Variants in MYO18B observed in about 807,000 individuals in gnomAD.
MYO18B encodes the protein unconventional myosin-XVIIIb.
MYO18B carries 204 observed loss-of-function variants against 273.0 expected under a neutral mutation model. The ratio of observed to expected loss-of-function variants is 0.75; its 90% confidence interval spans 0.67 to 0.84. The LOEUF (loss-of-function observed/expected upper bound fraction) is 0.84, where lower values mean the gene tolerates loss of function less well. Among genes scored for constraint, MYO18B ranks in the 40% least tolerant of loss-of-function variants. The pLI, the probability that MYO18B is intolerant of heterozygous loss-of-function variation, is 0.00. For synonymous variants in MYO18B, 1,330 were observed against 1,305.7 expected, an observed-to-expected ratio of 1.02 and a Z score of -0.40; for missense variants, 3,212 against 3,287.6, an observed-to-expected ratio of 0.98 and a Z score of 0.56.
intron 39 of MYO18B, among the ~76,000 whole-genome samples, chr22:25,989,271 C>T (rs1276621714): frequency 6.6e-6 from 1 of 152,178 alleles, no homozygotes; most frequent in Admixed American, 6.5e-5. Flanking sequence ...GCGGCGTGAC[C>T]TCAGACAGGT....
At position 25,768,566 on chromosome 22, in the gene MYO18B, G is replaced by C. The variant is rs754352979; in HGVS notation, c.650G>C (p.Arg217Pro). Residue 217 changes from arginine (R) to proline (P), a missense_variant, in exon 4 of 44, where the codon CGG becomes CCG. By Grantham distance (103) the Arg-to-Pro change is moderately radical (BLOSUM62 -2). Coordinates refer to ENST00000335473, the MANE Select transcript of MYO18B (RefSeq NM_032608.7). ...TTGGCCCCGAAAGCTGAGAAGACCC[G>C]GACTGGGGGTCTTGGGGACCCAGGC... is the stretch of plus-strand genomic sequence containing the variant. ...EILAPKAEKT[R>P]TGGLGDPGQG... 1.8e-5 allele frequency: 28 copies of C among 1,535,798 alleles called. No homozygotes were observed. Among genetic ancestry groups the C allele is most frequent in the Non-Finnish European group, 2.2e-5 (25 of 1,146,046 alleles).
At chr22:25,757,338 C>T (rs899574713) in intron 1 of MYO18B, among the ~76,000 whole-genome samples, 5 of 152,094 alleles carry the variant, frequency 3.3e-5, no homozygotes, top group Non-Finnish European at 7.3e-5. Flanking sequence ...CAGTGGCTCA[C>T]GCCTGTTATC....
downstream of MYO18B, among the ~76,000 whole-genome samples, chr22:26,035,897 T>C (rs56333103): frequency 0.21 from 32,585 of 152,138 alleles, 5,066 homozygotes; most frequent in African/African-American, 0.44. Flanking sequence ...AAGGTCAATT[T>C]CCTGAGAAAG....
intron 42 of MYO18B, among the ~76,000 whole-genome samples, chr22:26,005,800 A>G (rs2146924540): frequency 6.6e-6 from 1 of 152,290 alleles, no homozygotes; most frequent in Middle Eastern, 3.4e-3. Flanking sequence ...CTTTACAAAA[A>G]GAAGGGAGTG....
the MYO18B span, among the ~76,000 whole-genome samples, chr22:26,057,413 A>C: frequency 2.0e-5 from 3 of 152,166 alleles, no homozygotes; most frequent in African/African-American, 4.8e-5. Flanking sequence ...AATCCTTATG[A>C]GACTGTCATA....
intron 3 of MYO18B, among the ~76,000 whole-genome samples, chr22:25,764,887 A>G (rs894853149): frequency 3.2e-4 from 49 of 152,228 alleles, no homozygotes; most frequent in African/African-American, 1.1e-3. Flanking sequence ...GACTGAGGCC[A>G]AAAGAGGTCA....
intron 42 of MYO18B, among the ~76,000 whole-genome samples, chr22:26,012,652 G>A (rs1175202089): frequency 6.6e-6 from 1 of 152,182 alleles, no homozygotes; most frequent in Non-Finnish European, 1.5e-5. Context: ...AGGAAGGAAG[G>A]CTGTTTCCTG....
chr22:25,925,829 C>T lies in MYO18B; in HGVS notation c.5517+4420C>T, dbSNP rs567424917. ...CTGAGGCAGGAGAATCACTTGAACC[C>T]GGGAGGTAGAGGTTGTGGTGAACTG... is the stretch of plus-strand genomic sequence containing the variant. On this transcript the variant is annotated intron_variant, in intron 34 of 43. Coordinates refer to ENST00000335473, the MANE Select transcript of MYO18B (RefSeq NM_032608.7). 2.9e-3 allele frequency among the ~76,000 whole-genome samples: 415 copies of T among 141,316 alleles called. 2 individuals carry two copies. Among genetic ancestry groups the T allele is most frequent in the African/African-American group, 0.011 (395 of 37,594 alleles). 92.7% of individuals were successfully genotyped at this position (141,316 alleles called of 152,430 possible). A position where few individuals can be genotyped will look rare whatever the true frequency, so the allele number is the denominator to read the frequency against.
intron 39 of MYO18B, among the ~76,000 whole-genome samples, chr22:25,989,504 C>T (rs947745365): frequency 7.9e-5 from 12 of 151,722 alleles, no homozygotes; most frequent in African/African-American, 2.2e-4. Flanking sequence ...TGGAGCTGGC[C>T]GGGCGTGGTG....
At chr22:26,047,537 G>A in the MYO18B span, among the ~76,000 whole-genome samples, 4 of 152,156 alleles carry the variant, frequency 2.6e-5, no homozygotes, top group African/African-American at 4.8e-5. Flanking sequence ...CAATATAACC[G>A]GTTACCACCA....
At chr22:26,022,245 C>T (rs1033866876) in intron 42 of MYO18B, among the ~76,000 whole-genome samples, 7 of 149,180 alleles carry the variant, frequency 4.7e-5, no homozygotes, top group Non-Finnish European at 1.0e-4. Flanking sequence ...TGAGCCACAC[C>T]GACCTGGTCC....
chr22:25,952,447 G>T (rs754906674), intron 38 of MYO18B, 24 bp downstream of exon 38: 2 of 1,611,808 alleles, frequency 1.2e-6, no homozygotes, highest in South Asian at 1.1e-5. Context: ...CATAAATAGT[G>T]CCTGGGCCAA....
chr22:25,811,044 C>G (rs1601766801), intron 12 of MYO18B, among the ~76,000 whole-genome samples: 1 of 151,498 alleles, frequency 6.6e-6, no homozygotes, highest in Admixed American at 6.6e-5. Flanking sequence ...GACTGAGTCT[C>G]GCTGTGTTGC....
intron 1 of MYO18B, among the ~76,000 whole-genome samples, chr22:25,759,991 G>A (rs1233472505): frequency 6.6e-6 from 1 of 152,168 alleles, no homozygotes. Flanking sequence ...TCAATATGAT[G>A]ACAAATGATT....
chr22:26,006,564 A>T (rs1934437136), intron 42 of MYO18B: 1 of 194,844 alleles, frequency 5.1e-6, no homozygotes, highest in African/African-American at 2.4e-5. Context: ...ACGTTTTTAG[A>T]ACAACAAGAC....
chr22:25,814,372 T>G (rs1211936015), intron 12 of MYO18B, among the ~76,000 whole-genome samples: 2 of 128,834 alleles, frequency 1.6e-5, no homozygotes, highest in Non-Finnish European at 3.1e-5. Context: ...CAGGCTGAAG[T>G]GCAATGGCAC....
intron 22 of MYO18B, 57 bp from the exon 23 acceptor site, chr22:25,874,229 C>CCG: frequency 6.9e-6 from 11 of 1,605,542 alleles, no homozygotes; most frequent in Non-Finnish European, 9.4e-6. Flanking sequence ...AAGCACCCCC[C>CCG]CATTGTAGAC....
intron 40 of MYO18B, among the ~76,000 whole-genome samples, chr22:25,994,517 A>G (rs1216105494): frequency 7.5e-6 from 1 of 132,762 alleles, no homozygotes; most frequent in African/African-American, 3.2e-5. Flanking sequence ...GCCTGTAAAT[A>G]AAAGACTTTG....
In MYO18B at chr22:25,776,503, G is replaced by A. The variant is rs140762855; in HGVS notation, c.1870-1080G>A. Among the ~76,000 whole-genome samples the A allele has an allele frequency of 8.0e-3, 1,219 of 152,208 alleles. 19 individuals are homozygous for A. The highest frequency in any genetic ancestry group is 0.028 in the African/African-American group (1,164 of 41,516). ...TCCCAGCTACTCAGAAGGCTGAGGC[G>A]GGAGATTCGCTTGAACCTGGGAGGT... On this transcript the variant is annotated intron_variant, in intron 7 of 43. Transcript: ENST00000335473.
Sources: allele counts gnomAD v4.1 joint callset (sites outside exome capture counted in the v4.1 genomes callset), GRCh38; gene constraint gnomAD v4.1.1; transcripts MANE v1.5; gene names NCBI Gene and HGNC (gene_info 2026-07-23, HGNC 2026-07-21).